Variants in SLC44A3 observed in about 807,000 individuals in gnomAD.
The protein encoded by SLC44A3 is solute carrier family 44 member 3.
Under a neutral mutation model 75.4 loss-of-function variants are expected in SLC44A3, and 74 were observed. That is an observed-to-expected ratio of 0.98 (90% CI 0.81 to 1.19). The LOEUF (loss-of-function observed/expected upper bound fraction) is 1.19, where lower values mean the gene tolerates loss of function less well. Ranked by LOEUF, SLC44A3 falls within the 50% of genes most tolerant of loss-of-function variation. SLC44A3 has a pLI of 0.00. For missense variants in SLC44A3, 700 were observed against 778.6 expected, an observed-to-expected ratio of 0.90 and a Z score of 1.20; for synonymous variants, 310 against 296.9, an observed-to-expected ratio of 1.04 and a Z score of -0.45.
intron 2 of SLC44A3, among the ~76,000 whole-genome samples, chr1:94,822,443 A>G (rs1660742239): frequency 6.6e-6 from 1 of 152,128 alleles, no homozygotes; most frequent in African/African-American, 2.4e-5. Flanking sequence ...CTTTTGCAAC[A>G]TTTTTTATTT....
chr1:94,864,984 A>G, intron 11 of SLC44A3, 85 bp downstream of exon 11: 4 of 1,451,238 alleles, frequency 2.8e-6, no homozygotes, highest in Non-Finnish European at 3.7e-6. Flanking sequence ...AGGTCCCAGG[A>G]CAGAAATGTG....
chr1:94,870,124 C>G (rs796295001), intron 12 of SLC44A3, among the ~76,000 whole-genome samples: 4 of 152,234 alleles, frequency 2.6e-5, no homozygotes, highest in African/African-American at 9.6e-5. Context: ...ATGAAACTCT[C>G]AGTCTCATAA....
In SLC44A3 at chr1:94,838,479, C is replaced by A. The variant is rs190318376; in HGVS notation, c.670+608C>A. ...TGTTTCAGTTGGCTGAAATCAAGAG[C>A]CAACTTTCTCTTTGAACAGGTGAAT... On this transcript the variant is annotated intron_variant, in intron 6 of 14. Coordinates refer to ENST00000271227, the MANE Select transcript of SLC44A3 (RefSeq NM_001114106.3). 7.6e-4 allele frequency among the ~76,000 whole-genome samples: 116 copies of A among 152,316 alleles called. No homozygotes were observed. In the Middle Eastern group the frequency reaches 0.024, roughly 31 times the overall value.
chr1:94,879,796 G>A (rs1002263007), intron 12 of SLC44A3, among the ~76,000 whole-genome samples: 29 of 147,164 alleles, frequency 2.0e-4, no homozygotes, highest in Non-Finnish European at 3.3e-4. Context: ...TCGAGACTGC[G>A]CCACTGCACT....
At chr1:94,845,127 C>T (rs927262307) in intron 8 of SLC44A3, 151 bp from the exon 9 acceptor site, 11 of 759,602 alleles carry the variant, frequency 1.4e-5, no homozygotes, top group South Asian at 8.3e-5. Context: ...TTAGTGTTTG[C>T]GAATGCATCT....
At chr1:94,844,411 A>C (rs1453208828) in intron 8 of SLC44A3, among the ~76,000 whole-genome samples, 1 of 152,242 alleles carries the variant, frequency 6.6e-6, no homozygotes, top group Non-Finnish European at 1.5e-5. Context: ...GGAGGTTGTC[A>C]GCATCTAGGA....
intron 2 of SLC44A3, 117 bp downstream of exon 2, chr1:94,821,173 C>A: frequency 1.3e-6 from 1 of 778,628 alleles, no homozygotes; most frequent in Non-Finnish European, 2.0e-6. Context: ...GCCGTTAACC[C>A]ACAATAAACA....
chr1:94,851,057 C>G (rs1326771021), intron 9 of SLC44A3, among the ~76,000 whole-genome samples: 4 of 152,200 alleles, frequency 2.6e-5, no homozygotes, highest in Middle Eastern at 3.4e-3. Flanking sequence ...CCATGCACAT[C>G]CCCATACCTT....
chr1:94,826,637 C>CAA (rs34931563), intron 3 of SLC44A3, among the ~76,000 whole-genome samples: 2 of 127,990 alleles, frequency 1.6e-5, no homozygotes, highest in African/African-American at 5.7e-5. Context: ...GACTCTGTCT[C>CAA]AAAAAAAAAA....
chr1:94,872,323 T>A (rs1365102032), intron 12 of SLC44A3, among the ~76,000 whole-genome samples: 1 of 152,154 alleles, frequency 6.6e-6, no homozygotes, highest in Non-Finnish European at 1.5e-5. Flanking sequence ...CTCGAACTCC[T>A]GACCTCAGGT....
chr1:94,888,521 C>T, intron 12 of SLC44A3: 1 of 226,986 alleles, frequency 4.4e-6, no homozygotes, highest in Non-Finnish European at 7.3e-6. Context: ...CACATCCCTG[C>T]ACAAGACTCA....
chr1:94,891,213 A>C lies in SLC44A3; in HGVS notation c.1566A>C (p.Ser522=). Residue 522 remains serine, a synonymous_variant, in exon 13 of 15, where the codon TCA becomes TCC. Coordinates refer to ENST00000271227, the MANE Select transcript of SLC44A3 (RefSeq NM_001114106.3). ...CATTCAAAATCTTGTCCAAGAACTC[A>C]AGTCACTTTACATCTATTAACTGCT... ...KDAFKILSKN[S]SHFTSINCFG... The C allele has an allele frequency of 5.6e-6, 9 of 1,613,602 alleles. No individual in the cohort carries two copies. The highest frequency in any genetic ancestry group is 7.6e-6 in the Non-Finnish European group (9 of 1,179,760).
At position 94,840,048 on chromosome 1, in the gene SLC44A3, C is replaced by A; in HGVS notation, c.760+11C>A. 6.3e-7 allele frequency: 1 copy of A among 1,588,612 alleles called. No homozygotes were observed. Among genetic ancestry groups the A allele is most frequent in the East Asian group, 2.2e-5 (1 of 44,758 alleles). The stretch of plus-strand genomic sequence containing the variant: ...TTTTGGGATTGTTGTGTAAGTATTT[C>A]TCTACTTGACTGATTTCTTTTCGAT... On this transcript the variant is annotated intron_variant, in intron 7 of 14. Transcript: ENST00000271227.
chr1:94,862,031 G>T (rs1666639436), intron 10 of SLC44A3, among the ~76,000 whole-genome samples: 1 of 152,212 alleles, frequency 6.6e-6, no homozygotes, highest in African/African-American at 2.4e-5. Flanking sequence ...AATTTAGGTA[G>T]AGATAGATGA....
rs922188526 is a variant in SLC44A3, at chr1:94,895,208, A to G, written c.*286A>G. On this transcript the variant is annotated 3_prime_UTR_variant, in exon 15 of 15. Coordinates refer to ENST00000271227, the MANE Select transcript of SLC44A3 (RefSeq NM_001114106.3). ...TATGTAAGAACTGAGGTAAGTTTGT[A>G]AGTGCACAACTAATAAATAAACCTT... 1.1e-5 allele frequency: 3 copies of G among 279,394 alleles called. No individual in the cohort carries two copies. The Admixed American group carries it at 1.4e-4, about 13-fold the overall frequency. 17.3% of individuals were successfully genotyped at this position (279,394 alleles called of 1,614,324 possible).
At chr1:94,871,347 C>T (rs1428759259) in intron 12 of SLC44A3, among the ~76,000 whole-genome samples, 1 of 152,178 alleles carries the variant, frequency 6.6e-6, no homozygotes, top group African/African-American at 2.4e-5. Flanking sequence ...TCCTCCTTTC[C>T]TCAGGCAAGT....
chr1:94,821,112 T>A, intron 2 of SLC44A3, 56 bp downstream of exon 2: 1 of 1,360,402 alleles, frequency 7.4e-7, no homozygotes, highest in Non-Finnish European at 1.0e-6. Context: ...CGTCTGGAAA[T>A]AACTCTGTCC....
intron 10 of SLC44A3, among the ~76,000 whole-genome samples, chr1:94,858,502 C>T (rs1384781842): frequency 6.6e-6 from 1 of 152,118 alleles, no homozygotes; most frequent in Non-Finnish European, 1.5e-5. Context: ...CCAGCCAGGG[C>T]AATGGCAGGA....
At chr1:94,846,243 T>C (rs1352615639) in intron 9 of SLC44A3, among the ~76,000 whole-genome samples, 1 of 152,062 alleles carries the variant, frequency 6.6e-6, no homozygotes, top group Non-Finnish European at 1.5e-5. Context: ...GACAAGATTC[T>C]CTCCTCCATC....
Sources: gnomAD v4.1 joint callset for allele counts (sites outside exome capture counted in the v4.1 genomes callset) on GRCh38, gnomAD v4.1.1 for gene constraint, MANE v1.5 for transcripts, NCBI Gene and HGNC (gene_info 2026-07-23, HGNC 2026-07-21) for gene names.